COA6: variants seen among roughly 807,000 people sequenced by gnomAD.
COA6 encodes the protein cytochrome c oxidase assembly factor 6.
In COA6, 12 loss-of-function variants were observed where a neutral mutation model predicts 17.1. The observed-to-expected ratio is 0.70, with a 90% confidence interval of 0.45 to 1.14. The LOEUF (loss-of-function observed/expected upper bound fraction) is 1.14, where lower values mean the gene tolerates loss of function less well. COA6 is among the 50% of genes most tolerant of loss of function. The pLI is 0.00. For synonymous variants in COA6, 90 were observed against 73.4 expected, an observed-to-expected ratio of 1.23 and a Z score of -1.16; for missense variants, 246 against 196.5, an observed-to-expected ratio of 1.25 and a Z score of -1.51.
chr1:234,383,669 C>G, intron 2 of COA6, 54 bp from the exon 3 acceptor site: 3 of 741,488 alleles, frequency 4.0e-6, no homozygotes, highest in Non-Finnish European at 4.7e-6. Flanking sequence ...TGTGCTTTTG[C>G]TTATCTAAGC....
In COA6 at chr1:234,373,485, CAA is replaced by C; in HGVS notation, c.22_23del (p.Lys8GlufsTer22). 1 of 1,573,964 alleles carries C rather than the reference CAA, an allele frequency of 6.4e-7. No homozygotes were observed. Among genetic ancestry groups the C allele is most frequent in the Non-Finnish European group, 8.6e-7 (1 of 1,160,132 alleles). MVARKGQKSPRFRRVSC... is the reference protein window; with the variant it reads MVARKGXKSPRFRRVSC... ...AAAGTAAATGGTAGCTCGGAAGGGTCAAAAGAGTCCGCGGTTTCGCCGCGTGA... is the reference window on the plus strand; with the variant it reads ...AAAGTAAATGGTAGCTCGGAAGGGTCAAGAGTCCGCGGTTTCGCCGCGTGA... On this transcript the variant is annotated frameshift_variant, in exon 1 of 3. Coordinates refer to ENST00000366615, the MANE Select transcript of COA6 (RefSeq NM_001206641.3). LOFTEE classifies it high-confidence loss of function.
rs1173821629 is a variant in COA6 at position 234,374,230 on chromosome 1, C to G, written c.213C>G (p.Ser71Arg). 1.9e-6 allele frequency: 3 copies of G among 1,608,432 alleles called. No individual in the cohort carries two copies. The African/African-American group carries it at 4.0e-5, about 22-fold the overall frequency. The change falls in exon 2 of 3, where the codon AGC becomes AGG. Residue 71 changes from serine (S) to arginine (R), a missense_variant and splice_region_variant. Coordinates refer to ENST00000366615, the MANE Select transcript of COA6 (RefSeq NM_001206641.3). ...RKEAGRGRAE[S>R]FIAVGMAAPS... is the part of the protein sequence containing the mutation. Reference sequence around the variant, plus strand: ...TCTCAAATATTATTTTGGCCAACAGCTTCATCGCAGTAGGAATGGCAGCCC... The same window carrying G: ...TCTCAAATATTATTTTGGCCAACAGGTTCATCGCAGTAGGAATGGCAGCCC...
chr1:234,384,268 T>C lies in COA6; in HGVS notation c.*450T>C, dbSNP rs1042818292. ...TACAAGTAAAATAATAAAAGCCATC[T>C]ATAAAAAAGCCCATAGCTAATATCA... On this transcript the variant is annotated 3_prime_UTR_variant, in exon 3 of 3. Coordinates refer to ENST00000366615, the MANE Select transcript of COA6 (RefSeq NM_001206641.3). Among the ~76,000 whole-genome samples the C allele has an allele frequency of 1.3e-5, 2 of 152,100 alleles. No individual in the cohort carries two copies. The highest frequency in any genetic ancestry group is 4.8e-5 in the African/African-American group (2 of 41,442).
In COA6 at chr1:234,374,276, G is replaced by T. The variant is rs375349955; in HGVS notation, c.259G>T (p.Val87Phe). The T allele has an allele frequency of 1.9e-6, 3 of 1,613,862 alleles. No individual in the cohort carries two copies. Among genetic ancestry groups the T allele is most frequent in the Non-Finnish European group, 2.5e-6 (3 of 1,179,964 alleles). ...AGCCCCATCTATGAAGGAAAGACAG[G>T]TCTGCTGGGGGGCCCGGGATGAGTA... Reference protein sequence around the residue: ...MAAPSMKERQVCWGARDEYWK... With the variant: ...MAAPSMKERQFCWGARDEYWK... The change falls in exon 2 of 3, where the codon GTC becomes TTC. Residue 87 changes from valine (V) to phenylalanine (F), a missense_variant. Val to Phe is a conservative substitution (Grantham distance 50). Coordinates refer to ENST00000366615, the MANE Select transcript of COA6 (RefSeq NM_001206641.3).
chr1:234,381,495 A>G (rs1658971000), intron 2 of COA6, among the ~76,000 whole-genome samples: 1 of 152,240 alleles, frequency 6.6e-6, no homozygotes, highest in African/African-American at 2.4e-5. Flanking sequence ...ACAGGGGCGC[A>G]GGGATGAAGC....
At position 234,377,133 on chromosome 1, in the gene COA6, T is replaced by TGTTGTTGTTGTTG. The variant is rs1553268493; in HGVS notation, c.372+2744_372+2745insGTTGTTGTTGTTG. ...CTCTGTCTCCTCTTTTTTTGTTTTT[T>TGTTGTTGTTGTTG]TTGTTGTTGTTGAGACAGAGTCTCA... On this transcript the variant is annotated intron_variant, in intron 2 of 2. Transcript: ENST00000366615. Among the ~76,000 whole-genome samples, 9 of 69,572 alleles carry TGTTGTTGTTGTTG rather than the reference T, an allele frequency of 1.3e-4. No individual in the cohort carries two copies. The East Asian group carries it at 2.5e-3, about 19-fold the overall frequency. 45.6% of individuals were successfully genotyped at this position (69,572 alleles called of 152,430 possible). A position where few individuals can be genotyped will look rare whatever the true frequency, so the allele number is the denominator to read the frequency against.
chr1:234,378,913 A>C (rs1003830390), intron 2 of COA6, among the ~76,000 whole-genome samples: 1 of 152,106 alleles, frequency 6.6e-6, no homozygotes, highest in Non-Finnish European at 1.5e-5. Context: ...AAAAAGCAAC[A>C]AAAACCTGCA....
In COA6 at chr1:234,384,802, A is replaced by C. The variant is rs1035060907; in HGVS notation, c.*984A>C. Among the ~76,000 whole-genome samples, 1 of 152,172 alleles carries C rather than the reference A, an allele frequency of 6.6e-6. No homozygotes were observed. Among genetic ancestry groups the C allele is most frequent in the Non-Finnish European group, 1.5e-5 (1 of 68,038 alleles). On this transcript the variant is annotated 3_prime_UTR_variant, in exon 3 of 3. Transcript: ENST00000366615. ...TAAAAATTTAAAAATCCAGTATAAC[A>C]CCTATTTACATTGTATTAGGTATTG...
At chr1:234,382,415 A>G (rs771253189) in intron 2 of COA6, among the ~76,000 whole-genome samples, 9 of 152,234 alleles carry the variant, frequency 5.9e-5, no homozygotes, top group Non-Finnish European at 1.2e-4. Flanking sequence ...TAATGATTTT[A>G]GAGAACAAGA....
intron 2 of COA6, among the ~76,000 whole-genome samples, chr1:234,378,777 G>A (rs1658880727): frequency 6.6e-6 from 1 of 152,174 alleles, no homozygotes; most frequent in African/African-American, 2.4e-5. Context: ...GGAGGCTGAG[G>A]CAGGAGAATT....
At position 234,384,039 on chromosome 1, in the gene COA6, A is replaced by AAAC; in HGVS notation, c.*223_*225dup. 1 of 396,082 alleles carries AAAC rather than the reference A, an allele frequency of 2.5e-6. No homozygotes were observed. The highest frequency in any genetic ancestry group is 4.6e-6 in the Non-Finnish European group (1 of 216,924). 24.5% of individuals were successfully genotyped at this position (396,082 alleles called of 1,614,324 possible). On this transcript the variant is annotated 3_prime_UTR_variant, in exon 3 of 3. Coordinates refer to ENST00000366615, the MANE Select transcript of COA6 (RefSeq NM_001206641.3). ...TAAGAAAAAAAGTAAAACCTGTTAT[A>AAAC]AACACATGCACTTTTGTTTTGTTTT... is the stretch of plus-strand genomic sequence containing the variant.
intron 2 of COA6, among the ~76,000 whole-genome samples, chr1:234,380,942 G>A (rs949359867): frequency 6.6e-6 from 1 of 152,238 alleles, no homozygotes; most frequent in Non-Finnish European, 1.5e-5. Flanking sequence ...AGAGGTTGCA[G>A]TGAGCCAAGA....
intron 2 of COA6, among the ~76,000 whole-genome samples, chr1:234,383,112 A>C (rs1189477159): frequency 6.6e-6 from 1 of 150,690 alleles, no homozygotes; most frequent in African/African-American, 2.4e-5. Context: ...AAATGGTCCA[A>C]TGTGTTCTCA....
In COA6 at chr1:234,377,076, G is replaced by A. The variant is rs960538616; in HGVS notation, c.372+2687G>A. Among the ~76,000 whole-genome samples the A allele has an allele frequency of 4.9e-4, 48 of 97,958 alleles. 3 individuals carry two copies. Among genetic ancestry groups the A allele is most frequent in the African/African-American group, 1.0e-3 (29 of 28,108 alleles). The allele number at this position is 97,958 out of a possible 152,430, so 64.3% of individuals were successfully genotyped here. On this transcript the variant is annotated intron_variant, in intron 2 of 2. Coordinates refer to ENST00000366615, the MANE Select transcript of COA6 (RefSeq NM_001206641.3). ...TGTGTTGCCGAGAGAGAGAGAGAGA[G>A]AGAGAGAGAGAGAGAGAGAGAGAGA...
intron 2 of COA6, among the ~76,000 whole-genome samples, chr1:234,375,537 C>G (rs983221548): frequency 6.6e-6 from 1 of 152,178 alleles, no homozygotes; most frequent in Admixed American, 6.5e-5. Context: ...TTTGCCCTCT[C>G]ATACCTCAAA....
chr1:234,382,241 T>C (rs565210539), intron 2 of COA6, among the ~76,000 whole-genome samples: 441 of 152,324 alleles, frequency 2.9e-3, no homozygotes, highest in Non-Finnish European at 5.1e-3. Flanking sequence ...TCTTTGAAGT[T>C]AAAAGATTGA....
Position 234,378,344 on chromosome 1 carries a change from A to C in COA6, c.372+3955A>C, listed in dbSNP as rs527704757. Among the ~76,000 whole-genome samples, 5 of 152,334 alleles carry C rather than the reference A, an allele frequency of 3.3e-5. No individual in the cohort carries two copies. In the South Asian group the frequency reaches 1.0e-3, roughly 32 times the overall value. On this transcript the variant is annotated intron_variant, in intron 2 of 2. Coordinates refer to ENST00000366615, the MANE Select transcript of COA6 (RefSeq NM_001206641.3). The stretch of plus-strand genomic sequence containing the variant: ...AAAATAGACAAAGTGCTCAGCCCTC[A>C]TGTAGCATACATTCTAGTATGGGGA...
intron 2 of COA6, among the ~76,000 whole-genome samples, chr1:234,383,041 A>G (rs1572174919): frequency 8.4e-5 from 1 of 11,854 alleles, no homozygotes; most frequent in East Asian, 2.1e-3. Context: ...GAAGGAAGGG[A>G]GGGAGGGAGG....
At chr1:234,374,154 C>A in intron 1 of COA6, 76 bp from the exon 2 acceptor site, 4 of 1,210,098 alleles carry the variant, frequency 3.3e-6, no homozygotes, top group Non-Finnish European at 4.6e-6. Flanking sequence ...AGGAGATTGA[C>A]GGTTTTCCTC....
Sources: allele counts gnomAD v4.1 joint callset (sites outside exome capture counted in the v4.1 genomes callset), GRCh38; gene constraint gnomAD v4.1.1; transcripts MANE v1.5; gene names NCBI Gene and HGNC (gene_info 2026-07-23, HGNC 2026-07-21).